SLC25A14: variants seen among roughly 807,000 people sequenced by gnomAD.
The protein encoded by SLC25A14 is brain mitochondrial carrier protein 1.
A neutral mutation model predicts 28.1 loss-of-function variants in SLC25A14; 8 were observed. The observed-to-expected ratio is 0.28, with a 90% CI of 0.17 to 0.51. SLC25A14 has a LOEUF of 0.51. Ranked by LOEUF, SLC25A14 falls within the 20% of genes least tolerant of loss-of-function variation. The pLI, the probability that SLC25A14 is intolerant of heterozygous loss-of-function variation, is 0.97. For missense variants in SLC25A14, 135 were observed against 263.8 expected (o/e 0.51, Z 3.38); for synonymous variants, 74 against 90.6 (o/e 0.82, Z 1.04).
In SLC25A14 at chrX:130,364,722, T is replaced by C. The variant is rs746880329; in HGVS notation, c.689T>C (p.Met230Thr). ...AAGAAGCATTTAATATTGTCAGGAA[T>C]GATGGGCGATACAATTTTAACTCAC... ...ITKKHLILSGMMGDTILTHFV... is the reference protein window; with the variant it reads ...ITKKHLILSGTMGDTILTHFV... Residue 230 changes from methionine (M) to threonine (T), a missense_variant, in exon 8 of 11, where the codon ATG becomes ACG. Coordinates refer to ENST00000545805, the MANE Select transcript of SLC25A14 (RefSeq NM_001282195.2). 1 of 1,203,189 alleles carries C rather than the reference T, an allele frequency of 8.3e-7. No individual in the cohort carries two copies. Among genetic ancestry groups the C allele is most frequent in the South Asian group, 1.8e-5 (1 of 56,776 alleles).
chrX:130,361,859 T>C (rs541709222), intron 7 of SLC25A14, among the ~76,000 whole-genome samples: 5 of 111,911 alleles, frequency 4.5e-5, no homozygotes, highest in African/African-American at 6.5e-5. Flanking sequence ...TCCTGATTTT[T>C]ACATATTAAC....
chrX:130,345,205 TC>T lies in SLC25A14; in HGVS notation c.100del (p.His34MetfsTer6), dbSNP rs1457818921. The stretch of plus-strand genomic sequence containing the variant: ...AGCACCAGAAAAGTACCACTGTAAG[TC>T]ATGAGATGTCTGGTCTGAATTGGAA... ...SGHQKSTTVS[H>X]EMSGLNWKPF... On this transcript the variant is annotated frameshift_variant, in exon 3 of 11. Coordinates refer to ENST00000545805, the MANE Select transcript of SLC25A14 (RefSeq NM_001282195.2). LOFTEE classifies it high-confidence loss of function. 8.3e-7 allele frequency: 1 copy of T among 1,200,291 alleles called. No individual in the cohort carries two copies. The highest frequency in any genetic ancestry group is 1.1e-6 in the Non-Finnish European group (1 of 886,185).
rs1411064552 is a variant in SLC25A14, at chrX:130,351,821, T to C, written c.498+1090T>C. ...AAACAACACACATGAAATAAACCAC[T>C]GGTGGTTGATGGATAAAAATATGAG... is the stretch of plus-strand genomic sequence containing the variant. On this transcript the variant is annotated intron_variant, in intron 6 of 10. Transcript: ENST00000545805. 2.7e-5 allele frequency among the ~76,000 whole-genome samples: 3 copies of C among 111,864 alleles called. No individual in the cohort carries two copies. The East Asian group carries it at 8.3e-4, about 31-fold the overall frequency.
chrX:130,352,232 T>C (rs2033640382), intron 6 of SLC25A14, among the ~76,000 whole-genome samples: 1 of 112,158 alleles, frequency 8.9e-6, no homozygotes, highest in Non-Finnish European at 1.9e-5. Flanking sequence ...TCCATGTTAC[T>C]GCAAAGGACA....
At chrX:130,355,394 T>C (rs187965692) in intron 6 of SLC25A14, among the ~76,000 whole-genome samples, 12 of 112,378 alleles carry the variant, frequency 1.1e-4, no homozygotes, top group Admixed American at 5.6e-4. Flanking sequence ...GGAGAAACAA[T>C]TTCAAACATA....
At chrX:130,358,489 CT>C in intron 6 of SLC25A14, 150 bp from the exon 7 acceptor site, 1 of 399,757 alleles carries the variant, frequency 2.5e-6, no homozygotes, top group Non-Finnish European at 4.4e-6. Context: ...AACTAATTAA[CT>C]TTATCATAAT....
intron 7 of SLC25A14, among the ~76,000 whole-genome samples, chrX:130,361,284 T>C (rs1335443042): frequency 8.9e-6 from 1 of 112,425 alleles, no homozygotes; most frequent in African/African-American, 3.2e-5. Flanking sequence ...TTCAATTCTT[T>C]TGGTTATATA....
chrX:130,340,459 T>C (rs1166713837), intron 2 of SLC25A14, 106 bp downstream of exon 2: 9 of 894,121 alleles, frequency 1.0e-5, no homozygotes, highest in Non-Finnish European at 1.3e-5. Flanking sequence ...TGAAGGCATC[T>C]ATTAAAATGC....
At chrX:130,369,708 T>C (rs1471433345) in intron 9 of SLC25A14, among the ~76,000 whole-genome samples, 2 of 110,938 alleles carry the variant, frequency 1.8e-5, no homozygotes, top group Non-Finnish European at 3.8e-5. Flanking sequence ...AAGGCCTGAG[T>C]TGGAAATAAG....
intron 9 of SLC25A14, among the ~76,000 whole-genome samples, chrX:130,366,879 G>T (rs772709590): frequency 1.2e-3 from 137 of 111,812 alleles, no homozygotes; most frequent in Non-Finnish European, 1.8e-3. Context: ...AACCTGGGGA[G>T]TAAGGTCCAG....
chrX:130,346,404 G>C (rs2033439173), intron 3 of SLC25A14, 140 bp from the exon 4 acceptor site: 1 of 482,772 alleles, frequency 2.1e-6, no homozygotes, highest in African/African-American at 2.4e-5. Flanking sequence ...TTCTCTGACA[G>C]TGGTATTCTA....
At chrX:130,347,746 A>G (rs1359190839) in intron 4 of SLC25A14, among the ~76,000 whole-genome samples, 1 of 111,558 alleles carries the variant, frequency 9.0e-6, no homozygotes, top group Non-Finnish European at 1.9e-5. Context: ...GCTGGATTCA[A>G]TTTACCAATA....
intron 8 of SLC25A14, 181 bp from the exon 9 acceptor site, chrX:130,365,360 A>C: frequency 4.9e-6 from 5 of 1,011,932 alleles, no homozygotes; most frequent in Non-Finnish European, 6.3e-6. Context: ...TTGAAGGGAC[A>C]GCCTTTGAAT....
At chrX:130,370,560 A>G (rs1472077868) in intron 9 of SLC25A14, among the ~76,000 whole-genome samples, 2 of 112,053 alleles carry the variant, frequency 1.8e-5, no homozygotes, top group Non-Finnish European at 3.8e-5. Flanking sequence ...TGTTGTATAA[A>G]GTAGGAAACC....
In SLC25A14 at chrX:130,345,067, G is replaced by C. The variant is rs1441130065; in HGVS notation, c.76-115G>C. 1.2e-5 allele frequency: 6 copies of C among 512,479 alleles called. No homozygotes were observed. In the Admixed American group the frequency reaches 2.0e-4, roughly 17 times the overall value. The allele number at this position is 512,479 out of a possible 1,213,427, so 42.2% of individuals were successfully genotyped here. On this transcript the variant is annotated intron_variant, in intron 2 of 10. Coordinates refer to ENST00000545805, the MANE Select transcript of SLC25A14 (RefSeq NM_001282195.2). ...ATTTTTGTGTCATTCCACTTGGTGG[G>C]GTTTTTCTTCTACATCTATTTTATT...
chrX:130,371,504 G>A (rs2034261041), intron 9 of SLC25A14, 60 bp from the exon 10 acceptor site: 16 of 864,744 alleles, frequency 1.9e-5, no homozygotes, highest in Non-Finnish European at 2.7e-5. Flanking sequence ...GGAGTGGAAG[G>A]TGATGTCAAA....
chrX:130,360,829 A>G, intron 7 of SLC25A14, among the ~76,000 whole-genome samples: 1 of 111,946 alleles, frequency 8.9e-6, no homozygotes, highest in Middle Eastern at 4.6e-3. Context: ...ACCATTTTTG[A>G]TGGTTCAGTA....
chrX:130,366,399 C>A (rs1415903265), intron 9 of SLC25A14, among the ~76,000 whole-genome samples: 1 of 112,306 alleles, frequency 8.9e-6, no homozygotes, highest in African/African-American at 3.2e-5. Flanking sequence ...AACAATAACT[C>A]ATATCCACTG....
At chrX:130,346,365 T>A (rs923088256) in intron 3 of SLC25A14, among the ~76,000 whole-genome samples, 179 bp from the exon 4 acceptor site, 1 of 112,168 alleles carries the variant, frequency 8.9e-6, no homozygotes, top group Non-Finnish European at 1.9e-5. Flanking sequence ...TATAGTATAA[T>A]GCATTTCACT....
Sources: allele counts gnomAD v4.1 joint callset (sites outside exome capture counted in the v4.1 genomes callset), GRCh38; gene constraint gnomAD v4.1.1; transcripts MANE v1.5; gene names NCBI Gene and HGNC (gene_info 2026-07-23, HGNC 2026-07-21).